The following CADM1 variants were observed in gnomAD, a reference collection of about 807,000 sequenced individuals.
CADM1 encodes TSLC-1.
A neutral mutation model predicts 53.1 loss-of-function variants in CADM1; 15 were observed. The ratio of observed to expected loss-of-function variants is 0.28; its 90% CI spans 0.19 to 0.44. The LOEUF is 0.44. Among genes scored for constraint, CADM1 ranks in the 20% least tolerant of loss-of-function variants. The pLI, the probability that CADM1 is intolerant of heterozygous loss-of-function variation, is 1.00. For synonymous variants in CADM1, 281 were observed against 243.0 expected, an observed-to-expected ratio of 1.16 and a Z score of -1.45; for missense variants, 434 against 611.3, an observed-to-expected ratio of 0.71 and a Z score of 3.06.
chr11:115,483,939 G>T (rs2135414316), intron 1 of CADM1, among the ~76,000 whole-genome samples: 1 of 152,296 alleles, frequency 6.6e-6, no homozygotes, highest in Admixed American at 6.5e-5. Flanking sequence ...TGGAGGCATA[G>T]CCAGAAAAAG....
chr11:115,293,998 A>G (rs1236801885), intron 1 of CADM1, among the ~76,000 whole-genome samples: 1 of 152,218 alleles, frequency 6.6e-6, no homozygotes, highest in Non-Finnish European at 1.5e-5. Context: ...AAGTTATTTC[A>G]CAAGCAAGAA....
At chr11:115,491,480 G>T (rs1379573704) in intron 1 of CADM1, among the ~76,000 whole-genome samples, 1 of 151,992 alleles carries the variant, frequency 6.6e-6, no homozygotes, top group Non-Finnish European at 1.5e-5. Context: ...CAGGAGAATG[G>T]CATGAACCTG....
At chr11:115,186,348 G>A (rs1420299149) in intron 10 of CADM1, among the ~76,000 whole-genome samples, 1 of 152,080 alleles carries the variant, frequency 6.6e-6, no homozygotes, top group Admixed American at 6.5e-5. Context: ...TTGATTTGAT[G>A]CTGGGAAAAA....
At chr11:115,219,698 C>G (rs375980433) in intron 5 of CADM1, among the ~76,000 whole-genome samples, 1 of 152,146 alleles carries the variant, frequency 6.6e-6, no homozygotes, top group Non-Finnish European at 1.5e-5. Context: ...TGAACCAGCA[C>G]TGGGTGGCTC....
intron 1 of CADM1, among the ~76,000 whole-genome samples, chr11:115,382,308 C>T (rs1215693670): frequency 1.3e-5 from 2 of 151,674 alleles, no homozygotes; most frequent in Non-Finnish European, 2.9e-5. Context: ...ATATAAAGAT[C>T]CGGGGTAAGT....
chr11:115,449,338 T>C (rs1254664934), intron 1 of CADM1, among the ~76,000 whole-genome samples: 2 of 152,242 alleles, frequency 1.3e-5, no homozygotes, highest in Non-Finnish European at 2.9e-5. Flanking sequence ...GTGCTTGGTA[T>C]AGCACAGATG....
intron 1 of CADM1, among the ~76,000 whole-genome samples, chr11:115,245,250 A>C (rs1016194936): frequency 5.9e-5 from 9 of 152,214 alleles, no homozygotes; most frequent in African/African-American, 1.9e-4. Context: ...ACCTAACATT[A>C]AATCAGCACA....
intron 1 of CADM1, among the ~76,000 whole-genome samples, chr11:115,398,883 G>A (rs1457330844): frequency 1.3e-5 from 2 of 152,114 alleles, no homozygotes; most frequent in African/African-American, 4.8e-5. Flanking sequence ...AAGATTTCCT[G>A]AATCTCAGCC....
chr11:115,202,718 T>C (rs558467995), intron 8 of CADM1, among the ~76,000 whole-genome samples: 133 of 152,318 alleles, frequency 8.7e-4, no homozygotes, highest in African/African-American at 3.1e-3. Context: ...TGGGTTTTCT[T>C]AATTGAATTC....
chr11:115,272,334 G>C (rs540470714), intron 1 of CADM1, among the ~76,000 whole-genome samples: 33 of 152,016 alleles, frequency 2.2e-4, no homozygotes, highest in African/African-American at 7.7e-4. Flanking sequence ...CTTGATTTTT[G>C]AGCTAAGATG....
chr11:115,296,790 T>C lies in CADM1; in HGVS notation c.125-56370A>G, dbSNP rs558933593. 4.6e-5 allele frequency among the ~76,000 whole-genome samples: 7 copies of C among 152,326 alleles called. No homozygotes were observed. The East Asian group carries it at 5.8e-4, about 13-fold the overall frequency. On this transcript the variant is annotated intron_variant, in intron 1 of 11. Coordinates refer to ENST00000331581, the MANE Select transcript of CADM1 (RefSeq NM_001301043.2). ...ATGCCGCTTTTTGAGTATTTTCTTA[T>C]AGAAATCAATGTATAATGTTTCTCT...
intron 1 of CADM1, among the ~76,000 whole-genome samples, chr11:115,472,449 AG>A (rs531902338): frequency 1.2e-3 from 172 of 143,612 alleles, no homozygotes; most frequent in African/African-American, 2.4e-3. Context: ...ATATGTATAT[AG>A]GGGGGGGTGT....
Position 115,323,890 on chromosome 11 carries a change from G to GAA in CADM1, c.125-83472_125-83471dup, listed in dbSNP as rs200056022. 9.8e-4 allele frequency among the ~76,000 whole-genome samples: 142 copies of GAA among 145,070 alleles called. 1 individual carries two copies. Among genetic ancestry groups the GAA allele is most frequent in the Middle Eastern group, 3.5e-3 (1 of 282 alleles). On this transcript the variant is annotated intron_variant, in intron 1 of 11. Coordinates refer to ENST00000331581, the MANE Select transcript of CADM1 (RefSeq NM_001301043.2). ...TTTTAAGAGGAGAGATACGAAAAAG[G>GAA]AAAAAAAAAAAAGTGGGATCAATCT... is the stretch of plus-strand genomic sequence containing the variant.
At chr11:115,250,990 A>G (rs778856197) in intron 1 of CADM1, among the ~76,000 whole-genome samples, 13 of 152,362 alleles carry the variant, frequency 8.5e-5, no homozygotes, top group Middle Eastern at 3.4e-3. Context: ...ATAGTATCTC[A>G]TTTTTATAAC....
chr11:115,363,174 C>A (rs959323603), intron 1 of CADM1, among the ~76,000 whole-genome samples: 2 of 152,170 alleles, frequency 1.3e-5, no homozygotes, highest in African/African-American at 2.4e-5. Context: ...ACTGAGTGAA[C>A]CTGGCACCTG....
chr11:115,499,389 C>T (rs185317686), intron 1 of CADM1, among the ~76,000 whole-genome samples: 46 of 152,274 alleles, frequency 3.0e-4, no homozygotes, highest in East Asian at 7.7e-4. Flanking sequence ...ATTTCTGTTG[C>T]GGCTGCCAAA....
chr11:115,201,942 C>T (rs1211618331), intron 8 of CADM1, among the ~76,000 whole-genome samples: 1 of 152,142 alleles, frequency 6.6e-6, no homozygotes, highest in East Asian at 1.9e-4. Flanking sequence ...TTAACAGTCA[C>T]TCTCTGGCTA....
At chr11:115,226,716 G>A (rs1362891950) in intron 5 of CADM1, among the ~76,000 whole-genome samples, 6 of 152,208 alleles carry the variant, frequency 3.9e-5, no homozygotes. Flanking sequence ...ACTGGGCAAT[G>A]ACTGATCAGA....
chr11:115,400,835 C>T (rs1365287337), intron 1 of CADM1, among the ~76,000 whole-genome samples: 1 of 151,070 alleles, frequency 6.6e-6, no homozygotes, highest in Non-Finnish European at 1.5e-5. Context: ...ATCCAGAACA[C>T]CAATAACACC....
Sources: gnomAD v4.1 joint callset for allele counts (sites outside exome capture counted in the v4.1 genomes callset) on GRCh38, gnomAD v4.1.1 for gene constraint, MANE v1.5 for transcripts, NCBI Gene and HGNC (gene_info 2026-07-23, HGNC 2026-07-21) for gene names.